Variants in MEGF9 observed in about 807,000 individuals in gnomAD.
MEGF9 encodes the protein multiple epidermal growth factor-like domains protein 9.
In MEGF9, 6 loss-of-function variants were observed where a neutral mutation model predicts 46.8. That is an observed-to-expected ratio of 0.13 (90% CI 0.07 to 0.25). The LOEUF is 0.25. MEGF9 is among the 10% of genes least tolerant of loss of function. MEGF9 has a pLI of 1.00. For synonymous variants in MEGF9, 302 were observed against 330.7 expected (o/e 0.91, Z 0.94); for missense variants, 683 against 792.4 (o/e 0.86, Z 1.66).
intron 2 of MEGF9, among the ~76,000 whole-genome samples, chr9:120,657,745 T>C (rs537696803): frequency 2.5e-4 from 38 of 152,266 alleles, no homozygotes; most frequent in African/African-American, 8.4e-4. Flanking sequence ...AGAGTGATTA[T>C]CAGTTTTCTC....
intron 1 of MEGF9, among the ~76,000 whole-genome samples, chr9:120,687,582 A>G (rs1032915493): frequency 2.6e-5 from 4 of 152,120 alleles, no homozygotes; most frequent in Admixed American, 1.3e-4. Flanking sequence ...ATTACATGGA[A>G]CAATATAGAA....
intron 4 of MEGF9, among the ~76,000 whole-genome samples, chr9:120,611,870 A>G (rs1326233256): frequency 4.6e-5 from 7 of 150,600 alleles, no homozygotes; most frequent in African/African-American, 1.7e-4. Context: ...GAAGAAAGAG[A>G]GAGAGAGAGA....
intron 2 of MEGF9, among the ~76,000 whole-genome samples, chr9:120,645,797 G>T (rs1348658141): frequency 2.0e-5 from 3 of 152,170 alleles, no homozygotes; most frequent in Non-Finnish European, 4.4e-5. Context: ...CTCTTAAAAG[G>T]TAAAGGGCCT....
intron 2 of MEGF9, among the ~76,000 whole-genome samples, chr9:120,653,816 A>T (rs1350702829): frequency 1.3e-5 from 2 of 152,246 alleles, no homozygotes; most frequent in Non-Finnish European, 2.9e-5. Flanking sequence ...AGGAGCATGG[A>T]GGAAAACTTA....
chr9:120,660,438 C>A (rs1057360399), intron 1 of MEGF9, among the ~76,000 whole-genome samples: 1 of 152,132 alleles, frequency 6.6e-6, no homozygotes, highest in Non-Finnish European at 1.5e-5. Context: ...TTAACATGTA[C>A]AATTAAATTA....
intron 1 of MEGF9, among the ~76,000 whole-genome samples, chr9:120,702,786 G>C (rs1255539390): frequency 1.3e-5 from 2 of 152,156 alleles, no homozygotes; most frequent in Non-Finnish European, 2.9e-5. Flanking sequence ...AAGTAGACCT[G>C]TTGGCCTCTC....
intron 2 of MEGF9, among the ~76,000 whole-genome samples, chr9:120,632,470 C>T (rs1373337293): frequency 6.6e-6 from 1 of 151,716 alleles, no homozygotes; most frequent in African/African-American, 2.4e-5. Flanking sequence ...TTACTGAATT[C>T]ATTTATCAGT....
At chr9:120,639,401 G>C (rs1291708174) in intron 2 of MEGF9, among the ~76,000 whole-genome samples, 2 of 151,534 alleles carry the variant, frequency 1.3e-5, no homozygotes, top group African/African-American at 4.9e-5. Flanking sequence ...CCCAGTACTC[G>C]GGAGGCTGAG....
intron 1 of MEGF9, among the ~76,000 whole-genome samples, chr9:120,681,494 T>G (rs2043798472): frequency 6.6e-6 from 1 of 151,976 alleles, no homozygotes; most frequent in African/African-American, 2.4e-5. Context: ...CTGCCTGGGG[T>G]TGGGGGAGGG....
chr9:120,628,410 CAAATAGTCTA>C (rs1338989209), intron 2 of MEGF9, among the ~76,000 whole-genome samples: 1 of 137,528 alleles, frequency 7.3e-6, no homozygotes. Context: ...TTTTTGAGGG[CAAATAGTCTA>C]AAATATGTTT....
intron 2 of MEGF9, among the ~76,000 whole-genome samples, chr9:120,658,271 G>A (rs1197718023): frequency 6.6e-6 from 1 of 152,192 alleles, no homozygotes; most frequent in East Asian, 1.9e-4. Context: ...ACAGGCGTGA[G>A]CCACCGCGCC....
chr9:120,682,555 C>A (rs1310638337), intron 1 of MEGF9, among the ~76,000 whole-genome samples: 2 of 149,332 alleles, frequency 1.3e-5, no homozygotes, highest in African/African-American at 4.9e-5. Context: ...GTTTCACATT[C>A]ATCCCCAACC....
chr9:120,647,586 T>G (rs10984972), intron 2 of MEGF9, among the ~76,000 whole-genome samples: 1 of 151,908 alleles, frequency 6.6e-6, no homozygotes, highest in Non-Finnish European at 1.5e-5. Context: ...AAACTAGAGA[T>G]TGGTATAATT....
chr9:120,636,078 C>G (rs189809312), intron 2 of MEGF9, among the ~76,000 whole-genome samples: 1 of 152,072 alleles, frequency 6.6e-6, no homozygotes, highest in Non-Finnish European at 1.5e-5. Context: ...GGAATTAACA[C>G]GTGTATGTCA....
At chr9:120,647,003 G>A (rs2043628766) in intron 2 of MEGF9, among the ~76,000 whole-genome samples, 1 of 151,710 alleles carries the variant, frequency 6.6e-6, no homozygotes, top group African/African-American at 2.4e-5. Context: ...ATTATAAACT[G>A]GCCTAAAACT....
chr9:120,623,760 A>G (rs1419591568), intron 2 of MEGF9, among the ~76,000 whole-genome samples: 1 of 152,228 alleles, frequency 6.6e-6, no homozygotes, highest in African/African-American at 2.4e-5. Flanking sequence ...TTATGACTCA[A>G]TAAGAAGGAA....
intron 1 of MEGF9, among the ~76,000 whole-genome samples, chr9:120,680,507 T>C (rs1362047570): frequency 6.6e-6 from 1 of 152,144 alleles, no homozygotes; most frequent in African/African-American, 2.4e-5. Context: ...CTGAGCCACC[T>C]GAAACTGGGG....
rs1208474630 is a variant in MEGF9, at chr9:120,628,461, T to TGTC, written c.804-5709_804-5707dup. Among the ~76,000 whole-genome samples the TGTC allele has an allele frequency of 5.4e-3, 792 of 146,680 alleles. 33 individuals carry two copies. The highest frequency in any genetic ancestry group is 9.0e-3 in the Non-Finnish European group (603 of 66,930). ...AAATCCATATTCAGACAGAAATTCT[T>TGTC]GTCGTTGTTTTTTTTTTTTTTTTTT... On this transcript the variant is annotated intron_variant, in intron 2 of 5. Transcript: ENST00000373930.
chr9:120,713,891 C>A lies in MEGF9; in HGVS notation c.468G>T (p.Pro156=). 1.5e-6 allele frequency: 2 copies of A among 1,323,014 alleles called. No homozygotes were observed. The highest frequency in any genetic ancestry group is 1.9e-6 in the Non-Finnish European group (2 of 1,032,544). 82.0% of individuals were successfully genotyped at this position (1,323,014 alleles called of 1,614,324 possible). Reference sequence around the variant, plus strand: ...GTACGGTGGTCGCTACAGGGGTGGTCGGCGCCGGGCCAGTGGTCGTCGAAA... The same window carrying A: ...GTACGGTGGTCGCTACAGGGGTGGTAGGCGCCGGGCCAGTGGTCGTCGAAA... The part of the protein sequence containing the change: ...TTLSTTTGPA[P]TTPVATTVPA... The change falls in exon 1 of 6, where the codon CCG becomes CCT. Residue 156 remains proline, a synonymous_variant. Transcript: ENST00000373930.
Sources: allele counts gnomAD v4.1 joint callset (sites outside exome capture counted in the v4.1 genomes callset), GRCh38; gene constraint gnomAD v4.1.1; transcripts MANE v1.5; gene names NCBI Gene and HGNC (gene_info 2026-07-23, HGNC 2026-07-21).